Variants in LRP12 observed in about 807,000 individuals in gnomAD.
LRP12 encodes LDL receptor related protein 12, also known as low-density lipoprotein receptor-related protein 12.
LRP12 carries 14 observed loss-of-function variants against 66.0 expected under a neutral mutation model. That is an observed-to-expected ratio of 0.21 (90% confidence interval 0.14 to 0.33). LRP12 has a LOEUF of 0.33. Among genes scored for constraint, LRP12 ranks in the 10% least tolerant of loss-of-function variants. The pLI, the probability that LRP12 is intolerant of heterozygous loss-of-function variation, is 1.00. For missense variants in LRP12, 889 were observed against 1,053.4 expected, an observed-to-expected ratio of 0.84 and a Z score of 2.16; for synonymous variants, 357 against 359.1, an observed-to-expected ratio of 0.99 and a Z score of 0.07.
chr8:104,544,759 C>G (rs1181182336), intron 1 of LRP12, among the ~76,000 whole-genome samples: 1 of 152,098 alleles, frequency 6.6e-6, no homozygotes, highest in Non-Finnish European at 1.5e-5. Context: ...TCAAAATATT[C>G]CTGCTTGCTG....
At chr8:104,567,428 T>C (rs1215440601) in intron 1 of LRP12, among the ~76,000 whole-genome samples, 1 of 152,018 alleles carries the variant, frequency 6.6e-6, no homozygotes, top group East Asian at 1.9e-4. Context: ...TGGCCCCCCA[T>C]GATTTAATGA....
chr8:104,496,441 A>T (rs988712412), intron 5 of LRP12, among the ~76,000 whole-genome samples: 3 of 152,158 alleles, frequency 2.0e-5, no homozygotes, highest in African/African-American at 7.2e-5. Flanking sequence ...CTCCAATTAA[A>T]GCCTTTCTGC....
At chr8:104,573,283 T>C (rs1228880477) in intron 1 of LRP12, among the ~76,000 whole-genome samples, 1 of 152,218 alleles carries the variant, frequency 6.6e-6, no homozygotes, top group Non-Finnish European at 1.5e-5. Context: ...GCAAATTAGT[T>C]TGGTCTTAAA....
chr8:104,564,697 G>T (rs189898005), intron 1 of LRP12, among the ~76,000 whole-genome samples: 1 of 152,096 alleles, frequency 6.6e-6, no homozygotes, highest in Non-Finnish European at 1.5e-5. Flanking sequence ...TTGGGAGGCC[G>T]AGGCGGGCAG....
chr8:104,543,243 A>G (rs1437086569), intron 1 of LRP12, among the ~76,000 whole-genome samples: 1 of 152,048 alleles, frequency 6.6e-6, no homozygotes, highest in Non-Finnish European at 1.5e-5. Context: ...CCCTACATAG[A>G]GCAAGTCTAT....
At chr8:104,588,118 G>C (rs1383220408) in intron 1 of LRP12, among the ~76,000 whole-genome samples, 4 of 152,200 alleles carry the variant, frequency 2.6e-5, no homozygotes, top group African/African-American at 4.8e-5. Context: ...GACCACAGCG[G>C]CGGACGAGGA....
chr8:104,560,379 A>G (rs1811885832), intron 1 of LRP12, among the ~76,000 whole-genome samples: 1 of 151,996 alleles, frequency 6.6e-6, no homozygotes, highest in South Asian at 2.1e-4. Flanking sequence ...GATATAGTGG[A>G]AACAGGAGTA....
chr8:104,503,688 A>G (rs1810865800), intron 3 of LRP12, among the ~76,000 whole-genome samples: 1 of 152,184 alleles, frequency 6.6e-6, no homozygotes, highest in Non-Finnish European at 1.5e-5. Flanking sequence ...AAAGCTCTGT[A>G]CACAGTACTT....
chr8:104,526,543 C>A (rs1429638992), intron 2 of LRP12, among the ~76,000 whole-genome samples: 2 of 146,998 alleles, frequency 1.4e-5, no homozygotes, highest in Non-Finnish European at 3.0e-5. Context: ...CTACAACTAT[C>A]TGATCTTTGA....
Position 104,491,018 on chromosome 8 carries a change from T to A in LRP12, c.2235A>T (p.Gly745=), listed in dbSNP as rs375329290. Residue 745 remains glycine (G), a synonymous_variant, in exon 7 of 7, where the codon GGA becomes GGT. Coordinates refer to ENST00000276654, the MANE Select transcript of LRP12 (RefSeq NM_013437.5). ...GGTTCTGACTTAGGGAACTTGATCG[T>A]CCTAATGTAAAACGTACCCAGCGTA... ...QGLRWVRFTL[G]RSSSLSQNQS... 18 of 1,614,004 alleles carry A rather than the reference T, an allele frequency of 1.1e-5. No homozygotes were observed. Among genetic ancestry groups the A allele is most frequent in the Non-Finnish European group, 1.5e-5 (18 of 1,180,026 alleles).
At chr8:104,542,013 G>C (rs1004052457) in intron 1 of LRP12, among the ~76,000 whole-genome samples, 8 of 152,122 alleles carry the variant, frequency 5.3e-5, no homozygotes, top group African/African-American at 1.9e-4. Context: ...TTAGTATGTA[G>C]AGAGAGTGGA....
At chr8:104,583,186 C>A (rs1453811716) in intron 1 of LRP12, among the ~76,000 whole-genome samples, 2 of 152,122 alleles carry the variant, frequency 1.3e-5, no homozygotes, top group Non-Finnish European at 2.9e-5. Flanking sequence ...GTGACTGTTT[C>A]AAAACATAAA....
intron 1 of LRP12, among the ~76,000 whole-genome samples, chr8:104,556,049 T>C (rs1026223421): frequency 2.0e-5 from 3 of 152,176 alleles, no homozygotes; most frequent in African/African-American, 7.2e-5. Context: ...AATAACCTGT[T>C]CCTGAATGAT....
chr8:104,564,104 C>T (rs966443327), intron 1 of LRP12, among the ~76,000 whole-genome samples: 1 of 150,670 alleles, frequency 6.6e-6, no homozygotes, highest in Non-Finnish European at 1.5e-5. Flanking sequence ...AATATTTCTA[C>T]TTTACAATTT....
intron 5 of LRP12, 158 bp from the exon 6 acceptor site, chr8:104,495,367 C>A: frequency 1.5e-6 from 1 of 669,090 alleles, no homozygotes; most frequent in Non-Finnish European, 2.4e-6. Flanking sequence ...TGTATTATCC[C>A]TACAGTGGGA....
At chr8:104,588,398 T>C (rs1286948051) in intron 1 of LRP12, among the ~76,000 whole-genome samples, 1 of 152,074 alleles carries the variant, frequency 6.6e-6, no homozygotes, top group Non-Finnish European at 1.5e-5. Flanking sequence ...AACCCCGGGT[T>C]GAGGGGGCGG....
At position 104,497,472 on chromosome 8, in the gene LRP12, A is replaced by G. The variant is rs143941159; in HGVS notation, c.1080T>C (p.Asn360=). 7.7e-3 allele frequency: 12,361 copies of G among 1,614,148 alleles called. 59 individuals carry two copies. The highest frequency in any genetic ancestry group is 9.5e-3 in the Non-Finnish European group (11,223 of 1,180,014). ...IRVHFCADKV[N]AARGFNATYQ... Reference sequence around the variant, plus strand: ...AAGTAGCATTAAATCCCCTTGCAGCATTCACTTTATCAGCACAAAAATGTA... The same window carrying G: ...AAGTAGCATTAAATCCCCTTGCAGCGTTCACTTTATCAGCACAAAAATGTA... The change falls in exon 5 of 7, where the codon AAT becomes AAC. Residue 360 remains asparagine, a synonymous_variant. Transcript: ENST00000276654. The surrounding 1 kb of genome is among the most constrained non-coding windows in gnomAD (Gnocchi z 4.3).
At chr8:104,585,923 T>C (rs1045243758) in intron 1 of LRP12, among the ~76,000 whole-genome samples, 3 of 152,334 alleles carry the variant, frequency 2.0e-5, no homozygotes, top group African/African-American at 7.2e-5. Context: ...TCCCATAGAT[T>C]TGTAAAAGCG....
chr8:104,507,909 A>T (rs1238539692), intron 3 of LRP12: 1 of 152,192 alleles, frequency 6.6e-6, no homozygotes, highest in Non-Finnish European at 1.5e-5. Flanking sequence ...TCATCAGTTA[A>T]TAAATACAAA....
Sources: gnomAD v4.1 joint callset for allele counts (sites outside exome capture counted in the v4.1 genomes callset) on GRCh38, gnomAD v4.1.1 for gene constraint, Gnocchi (gnomAD v3.1) non-coding constraint, MANE v1.5 for transcripts, NCBI Gene and HGNC (gene_info 2026-07-23, HGNC 2026-07-21) for gene names.